Variants in ATRNL1 observed in about 807,000 individuals in gnomAD.
ATRNL1 encodes attractin like 1.
A neutral mutation model predicts 182.7 loss-of-function variants in ATRNL1; 95 were observed. The ratio of observed to expected loss-of-function variants is 0.52; its 90% CI spans 0.44 to 0.62. The LOEUF (loss-of-function observed/expected upper bound fraction) is 0.62, where lower values mean the gene tolerates loss of function less well. Among genes scored for constraint, ATRNL1 ranks in the 20% least tolerant of loss-of-function variants. ATRNL1 has a pLI of 0.00. For synonymous variants in ATRNL1, 576 were observed against 568.3 expected (o/e 1.01, Z -0.19); for missense variants, 1,471 against 1,679.5 (o/e 0.88, Z 2.17).
At chr10:115,630,603 C>A (rs2133828415) in intron 26 of ATRNL1, among the ~76,000 whole-genome samples, 2 of 150,616 alleles carry the variant, frequency 1.3e-5, no homozygotes, top group South Asian at 4.2e-4. Context: ...TGCAAACAAC[C>A]CATTTGTCCA....
At chr10:115,410,209 T>C (rs1490862536) in intron 20 of ATRNL1, among the ~76,000 whole-genome samples, 3 of 152,106 alleles carry the variant, frequency 2.0e-5, no homozygotes, top group Non-Finnish European at 4.4e-5. Context: ...CCTTATCTGG[T>C]TTTGGTATCA....
At chr10:115,379,042 A>G (rs1276565812) in intron 19 of ATRNL1, among the ~76,000 whole-genome samples, 2 of 151,740 alleles carry the variant, frequency 1.3e-5, no homozygotes, top group African/African-American at 4.8e-5. Context: ...GTTTTTTTTT[A>G]TAAACAACTT....
chr10:115,580,911 A>T (rs941015701), intron 26 of ATRNL1, among the ~76,000 whole-genome samples: 1 of 151,870 alleles, frequency 6.6e-6, no homozygotes, highest in Non-Finnish European at 1.5e-5. Context: ...AATATTTTCT[A>T]TCATTTTGTT....
At chr10:115,729,777 C>T (rs992900631) in intron 27 of ATRNL1, among the ~76,000 whole-genome samples, 1 of 152,088 alleles carries the variant, frequency 6.6e-6, no homozygotes, top group Non-Finnish European at 1.5e-5. Context: ...CTCTGTTTCT[C>T]CTTCCATATG....
chr10:115,112,083 G>A lies in ATRNL1; in HGVS notation c.294-8102G>A, dbSNP rs782420830. Among the ~76,000 whole-genome samples, 4 of 151,614 alleles carry A rather than the reference G, an allele frequency of 2.6e-5. No homozygotes were observed. In the East Asian group the frequency reaches 5.8e-4, roughly 22 times the overall value. On this transcript the variant is annotated intron_variant, in intron 1 of 28. Coordinates refer to ENST00000355044, the MANE Select transcript of ATRNL1 (RefSeq NM_207303.4). ...AAAAAAAACCCAAAAAAAAACTTAC[G>A]ATAAGTTTAACCAAAGAGGTAAAAG...
chr10:115,715,105 A>G (rs564630579), intron 26 of ATRNL1, among the ~76,000 whole-genome samples: 3 of 152,288 alleles, frequency 2.0e-5, no homozygotes, highest in African/African-American at 7.2e-5. Flanking sequence ...CTGACTAAGT[A>G]AGAAATACAC....
intron 21 of ATRNL1, among the ~76,000 whole-genome samples, chr10:115,455,513 A>G (rs1156412732): frequency 6.6e-6 from 1 of 152,206 alleles, no homozygotes. Flanking sequence ...TTAAAGTAAG[A>G]CCTATAACCA....
chr10:115,394,808 A>G, intron 20 of ATRNL1, 56 bp downstream of exon 20: 1 of 1,305,596 alleles, frequency 7.7e-7, no homozygotes, highest in Non-Finnish European at 1.1e-6. Flanking sequence ...TTGTTGAAGT[A>G]ATTTTTATGT....
In ATRNL1 at chr10:115,266,940, A is replaced by G. The variant is rs782511532; in HGVS notation, c.1916A>G (p.His639Arg). ...ATAAAATGTGTTTGGAATAAAAATCACTGTGAATCTTGGGAATCTGGGAAT... is the reference window on the plus strand; with the variant it reads ...ATAAAATGTGTTTGGAATAAAAATCGCTGTGAATCTTGGGAATCTGGGAAT... ...PGIKCVWNKN[H>R]CESWESGNTN... Residue 639 changes from histidine to arginine, a missense_variant, in exon 12 of 29, where the codon CAC becomes CGC. Physicochemically the swap from His to Arg is conservative, Grantham distance 29 (BLOSUM62 0). Coordinates refer to ENST00000355044, the MANE Select transcript of ATRNL1 (RefSeq NM_207303.4). 1.2e-6 allele frequency: 2 copies of G among 1,612,408 alleles called. No homozygotes were observed. Among genetic ancestry groups the G allele is most frequent in the Non-Finnish European group, 1.7e-6 (2 of 1,178,940 alleles).
intron 26 of ATRNL1, among the ~76,000 whole-genome samples, chr10:115,656,120 G>T (rs1271813930): frequency 6.6e-6 from 1 of 152,040 alleles, no homozygotes; most frequent in Non-Finnish European, 1.5e-5. Context: ...AGTATTATTG[G>T]CCCGTTTCAC....
intron 18 of ATRNL1, among the ~76,000 whole-genome samples, chr10:115,333,485 CTT>C (rs35581763): frequency 3.6e-5 from 5 of 138,326 alleles, no homozygotes; most frequent in Admixed American, 7.3e-5. Context: ...TTCAAAAGTA[CTT>C]TTTTTTTTTT....
intron 27 of ATRNL1, among the ~76,000 whole-genome samples, chr10:115,763,307 T>C (rs1209285786): frequency 1.3e-5 from 2 of 152,120 alleles, no homozygotes; most frequent in Non-Finnish European, 1.5e-5. Context: ...ACTCACATAA[T>C]CTACTAAGGG....
At chr10:115,729,516 T>C (rs1947722318) in intron 27 of ATRNL1, among the ~76,000 whole-genome samples, 1 of 151,566 alleles carries the variant, frequency 6.6e-6, no homozygotes, top group African/African-American at 2.4e-5. Context: ...TGTGTGTGTG[T>C]GTGTGTGTGT....
intron 28 of ATRNL1, among the ~76,000 whole-genome samples, chr10:115,899,576 G>A (rs959622249): frequency 2.6e-5 from 4 of 152,156 alleles, no homozygotes; most frequent in East Asian, 3.9e-4. Flanking sequence ...CCAAAGTGCC[G>A]GGATTACAGG....
At chr10:115,158,233 C>A (rs1287632185) in intron 5 of ATRNL1, among the ~76,000 whole-genome samples, 12 of 151,854 alleles carry the variant, frequency 7.9e-5, no homozygotes, top group Admixed American at 7.2e-4. Flanking sequence ...TATATAATTT[C>A]TATATGATTT....
intron 8 of ATRNL1, among the ~76,000 whole-genome samples, chr10:115,201,505 C>A (rs1361609651): frequency 6.6e-6 from 1 of 152,008 alleles, no homozygotes; most frequent in East Asian, 1.9e-4. Context: ...CCCCATTGCT[C>A]GTTTTTCTCA....
intron 19 of ATRNL1, among the ~76,000 whole-genome samples, chr10:115,375,177 A>G (rs1564972375): frequency 6.6e-6 from 1 of 151,782 alleles, no homozygotes; most frequent in Non-Finnish European, 1.5e-5. Context: ...GTGCATATAT[A>G]TTTATAATTG....
chr10:115,759,841 A>ATT lies in ATRNL1; in HGVS notation c.3903+32510_3903+32511dup, dbSNP rs58578796. On this transcript the variant is annotated intron_variant, in intron 27 of 28. Transcript: ENST00000355044. ...CAGGTGTGCACCACCACACCTGGCT[A>ATT]TTTTTTTTTTTTTTTTTTTTTTTTT... Among the ~76,000 whole-genome samples the ATT allele has an allele frequency of 2.5e-3, 154 of 62,672 alleles. 4 individuals are homozygous for ATT. In the South Asian group the frequency reaches 0.044, roughly 18 times the overall value. 41.1% of individuals were successfully genotyped at this position (62,672 alleles called of 152,430 possible). A position where few individuals can be genotyped will look rare whatever the true frequency, so the allele number is the denominator to read the frequency against.
intron 8 of ATRNL1, among the ~76,000 whole-genome samples, chr10:115,201,312 A>G (rs1287243682): frequency 3.3e-5 from 5 of 152,070 alleles, no homozygotes; most frequent in South Asian, 2.1e-4. Flanking sequence ...GCCCATGCCT[A>G]TGTCCTGAAT....
Sources: gnomAD v4.1 joint callset for allele counts (sites outside exome capture counted in the v4.1 genomes callset) on GRCh38, gnomAD v4.1.1 for gene constraint, MANE v1.5 for transcripts, NCBI Gene and HGNC (gene_info 2026-07-23, HGNC 2026-07-21) for gene names.